Variants in SORCS1 observed in about 807,000 individuals in gnomAD.
SORCS1 encodes sortilin related VPS10 domain containing receptor 1, also known as VPS10 domain-containing receptor SorCS1.
In SORCS1, 60 loss-of-function variants were observed where a neutral mutation model predicts 146.1. The ratio of observed to expected loss-of-function variants is 0.41; its 90% CI spans 0.33 to 0.51. The LOEUF is 0.51. SORCS1 is among the 20% of genes least tolerant of loss of function. The pLI is 0.21. For synonymous variants in SORCS1, 637 were observed against 584.0 expected (o/e 1.09, Z -1.31); for missense variants, 1,352 against 1,487.6 (o/e 0.91, Z 1.50).
chr10:106,767,790 C>G (rs959532544), intron 4 of SORCS1, among the ~76,000 whole-genome samples: 1 of 152,138 alleles, frequency 6.6e-6, no homozygotes, highest in Non-Finnish European at 1.5e-5. Context: ...CACGCCCGGC[C>G]CCTTAAAGGT....
chr10:106,643,293 A>T (rs1301635884), intron 18 of SORCS1, among the ~76,000 whole-genome samples: 1 of 152,242 alleles, frequency 6.6e-6, no homozygotes, highest in African/African-American at 2.4e-5. Context: ...GGTGCTCAAT[A>T]AATGTTGGAT....
At chr10:106,627,728 A>C (rs1459819445) in intron 19 of SORCS1, among the ~76,000 whole-genome samples, 3 of 152,184 alleles carry the variant, frequency 2.0e-5, no homozygotes, top group Non-Finnish European at 4.4e-5. Flanking sequence ...TCTAACCAAA[A>C]TGTTTATGTT....
intron 4 of SORCS1, among the ~76,000 whole-genome samples, chr10:106,765,546 A>C (rs1335932020): frequency 6.6e-6 from 1 of 152,070 alleles, no homozygotes; most frequent in Non-Finnish European, 1.5e-5. Flanking sequence ...CCATCCTCTG[A>C]ATGTCTTTGG....
intron 2 of SORCS1, among the ~76,000 whole-genome samples, chr10:106,923,138 C>T (rs1482442973): frequency 6.6e-6 from 1 of 152,226 alleles, no homozygotes; most frequent in Non-Finnish European, 1.5e-5. Flanking sequence ...ATCCGCCCGC[C>T]TCAGCATCCC....
At chr10:106,997,961 TC>T (rs1463929839) in intron 1 of SORCS1, among the ~76,000 whole-genome samples, 1 of 152,176 alleles carries the variant, frequency 6.6e-6, no homozygotes, top group Admixed American at 6.5e-5. Flanking sequence ...GACCATATAT[TC>T]TGGTTACTTC....
intron 1 of SORCS1, among the ~76,000 whole-genome samples, chr10:107,000,881 T>C (rs1957188622): frequency 1.3e-5 from 2 of 152,008 alleles, no homozygotes; most frequent in Non-Finnish European, 2.9e-5. Context: ...AAGGAAGATA[T>C]CAGTGACTAT....
intron 2 of SORCS1, among the ~76,000 whole-genome samples, chr10:106,837,914 A>G (rs1190205941): frequency 6.6e-6 from 1 of 151,472 alleles, no homozygotes; most frequent in Admixed American, 6.6e-5. Context: ...AGGTGCTTTT[A>G]TTTTCTGTTC....
At chr10:106,956,430 G>T in intron 2 of SORCS1, 83 bp downstream of exon 2, 1 of 1,284,950 alleles carries the variant, frequency 7.8e-7, no homozygotes. Flanking sequence ...GAACCTTCCT[G>T]CCAGGAAAAA....
the SORCS1 span, among the ~76,000 whole-genome samples, chr10:107,175,267 A>T: frequency 1.3e-5 from 2 of 152,184 alleles, no homozygotes; most frequent in African/African-American, 4.8e-5. Flanking sequence ...GTGGCACCAT[A>T]AAGCAAGCTG....
intron 1 of SORCS1, among the ~76,000 whole-genome samples, chr10:107,104,417 T>G (rs1965160748): frequency 6.6e-6 from 1 of 152,190 alleles, no homozygotes; most frequent in Non-Finnish European, 1.5e-5. Context: ...GTCACCTTCC[T>G]TCTCCTGAAA....
chr10:106,589,421 G>A (rs189413225), intron 24 of SORCS1, among the ~76,000 whole-genome samples: 1 of 151,968 alleles, frequency 6.6e-6, no homozygotes, highest in East Asian at 1.9e-4. Flanking sequence ...CATGACCAAG[G>A]GTTCTCATGA....
intron 2 of SORCS1, among the ~76,000 whole-genome samples, chr10:106,924,085 T>C (rs915812348): frequency 6.6e-6 from 1 of 152,066 alleles, no homozygotes; most frequent in Non-Finnish European, 1.5e-5. Flanking sequence ...AGAAACCCCA[T>C]CTCTACTAAA....
intron 1 of SORCS1, among the ~76,000 whole-genome samples, chr10:107,089,033 A>G (rs78600594): frequency 1.9e-3 from 291 of 152,312 alleles, no homozygotes; most frequent in Non-Finnish European, 3.6e-3. Context: ...CTGACTTAGA[A>G]TCTTGTGATA....
At position 107,094,821 on chromosome 10, in the gene SORCS1, T is replaced by G. The variant is rs560991859; in HGVS notation, c.558+69148A>C. Among the ~76,000 whole-genome samples, 189 of 152,156 alleles carry G rather than the reference T, an allele frequency of 1.2e-3. 2 individuals carry two copies. Among genetic ancestry groups the G allele is most frequent in the Non-Finnish European group, 2.5e-3 (172 of 68,016 alleles). ...CTAAGAACGGGAGAAGCAACATGGT[T>G]AGATGTTAAGTATGGTCCCTGACAC... is the stretch of plus-strand genomic sequence containing the variant. On this transcript the variant is annotated intron_variant, in intron 1 of 25. Coordinates refer to ENST00000263054, the MANE Select transcript of SORCS1 (RefSeq NM_052918.5).
intron 1 of SORCS1, among the ~76,000 whole-genome samples, chr10:106,978,592 G>A (rs1351596832): frequency 6.6e-6 from 1 of 152,068 alleles, no homozygotes; most frequent in Non-Finnish European, 1.5e-5. Context: ...GAGGTCAGGA[G>A]TTTGAGACCA....
chr10:107,002,729 G>A (rs1957270310), intron 1 of SORCS1, among the ~76,000 whole-genome samples: 1 of 151,934 alleles, frequency 6.6e-6, no homozygotes, highest in South Asian at 2.1e-4. Context: ...AGAGGCAACC[G>A]GTAGGTTCCA....
rs188012260 is a variant in SORCS1, at chr10:106,745,554, C to T, written c.960-15440G>A. 3.3e-3 allele frequency among the ~76,000 whole-genome samples: 497 copies of T among 152,248 alleles called. 13 individuals are homozygous for T. The highest frequency in any genetic ancestry group is 7.5e-4 in the Non-Finnish European group (51 of 68,036). ...GCTATGAATACTATAGTAGGCAAAACGCATGTTCTCAACGTATCTCTCCAA... is the reference window on the plus strand; with the variant it reads ...GCTATGAATACTATAGTAGGCAAAATGCATGTTCTCAACGTATCTCTCCAA... On this transcript the variant is annotated intron_variant, in intron 5 of 25. Coordinates refer to ENST00000263054, the MANE Select transcript of SORCS1 (RefSeq NM_052918.5).
At chr10:106,653,840 A>G (rs760465174) in intron 17 of SORCS1, among the ~76,000 whole-genome samples, 44 of 152,188 alleles carry the variant, frequency 2.9e-4, no homozygotes, top group African/African-American at 1.1e-3. Context: ...AAATATTACC[A>G]ATTATTTCTA....
At chr10:106,808,545 C>T (rs897430237) in intron 3 of SORCS1, among the ~76,000 whole-genome samples, 1 of 152,086 alleles carries the variant, frequency 6.6e-6, no homozygotes, top group Non-Finnish European at 1.5e-5. Context: ...CTCTGTCGCC[C>T]AGTCTGGAGT....
Sources: gnomAD v4.1 joint callset for allele counts (sites outside exome capture counted in the v4.1 genomes callset) on GRCh38, gnomAD v4.1.1 for gene constraint, MANE v1.5 for transcripts, NCBI Gene and HGNC (gene_info 2026-07-23, HGNC 2026-07-21) for gene names.